The following TMPRSS4 variants were observed in gnomAD, a reference collection of about 807,000 sequenced individuals.
The protein encoded by TMPRSS4 is transmembrane protease serine 4.
In TMPRSS4, 45 loss-of-function variants were observed where a neutral mutation model predicts 56.4. The observed-to-expected ratio is 0.80, with a 90% CI of 0.63 to 1.02. The LOEUF (loss-of-function observed/expected upper bound fraction) is 1.02. Among genes scored for constraint, TMPRSS4 ranks in the 50% least tolerant of loss-of-function variants. The pLI, the probability that TMPRSS4 is intolerant of heterozygous loss-of-function variation, is 0.00. For missense variants in TMPRSS4, 546 were observed against 556.7 expected, an observed-to-expected ratio of 0.98 and a Z score of 0.19; for synonymous variants, 205 against 211.0, an observed-to-expected ratio of 0.97 and a Z score of 0.25.
intron 1 of TMPRSS4, among the ~76,000 whole-genome samples, 166 bp downstream of exon 1, chr11:118,077,471 T>C (rs1944747690): frequency 6.6e-6 from 1 of 152,182 alleles, no homozygotes; most frequent in African/African-American, 2.4e-5. Context: ...GGTACACGTC[T>C]CATACCCACC....
At chr11:118,094,988 AC>A (rs1946205966) in intron 2 of TMPRSS4, 133 bp downstream of exon 2, 1 of 909,938 alleles carries the variant, frequency 1.1e-6, no homozygotes, top group Non-Finnish European at 1.8e-6. Flanking sequence ...ACATCCAGTC[AC>A]CCGTCCATCC....
chr11:118,078,871 CA>C (rs1178196597), intron 1 of TMPRSS4, among the ~76,000 whole-genome samples: 2 of 152,192 alleles, frequency 1.3e-5, no homozygotes, highest in Non-Finnish European at 2.9e-5. Flanking sequence ...GCCCCACGCA[CA>C]TGCACCGGGT....
At chr11:118,082,448 C>A (rs746778728) in intron 1 of TMPRSS4, among the ~76,000 whole-genome samples, 1 of 152,026 alleles carries the variant, frequency 6.6e-6, no homozygotes, top group Non-Finnish European at 1.5e-5. Context: ...GTAATCCCAG[C>A]GACTCGGGAA....
chr11:118,116,810 T>C (rs556800876), intron 11 of TMPRSS4, among the ~76,000 whole-genome samples: 2 of 151,364 alleles, frequency 1.3e-5, no homozygotes, highest in Admixed American at 1.3e-4. Context: ...GCCTCTGGGT[T>C]CGAATGATTC....
At chr11:118,090,942 T>C (rs1945905572) in intron 1 of TMPRSS4, among the ~76,000 whole-genome samples, 1 of 152,092 alleles carries the variant, frequency 6.6e-6, no homozygotes, top group Non-Finnish European at 1.5e-5. Flanking sequence ...CTAGCACTAT[T>C]CCGGGTCCAT....
Position 118,077,300 on chromosome 11 carries a change from A to G in TMPRSS4, c.-3A>G, listed in dbSNP as rs142789925. ...GGGAGACCGGGAGGATCACAGAGCC[A>G]GCATGGTGAGTGTGGGGCCCTCTGC... On this transcript the variant is annotated 5_prime_UTR_variant, in exon 1 of 13. Coordinates refer to ENST00000437212, the MANE Select transcript of TMPRSS4 (RefSeq NM_019894.4). 7.5e-6 allele frequency: 12 copies of G among 1,602,306 alleles called. No individual in the cohort carries two copies. Among genetic ancestry groups the G allele is most frequent in the Non-Finnish European group, 1.0e-5 (12 of 1,174,542 alleles).
intron 2 of TMPRSS4, chr11:118,095,503 G>A (rs1184581165): frequency 6.6e-6 from 1 of 152,488 alleles, no homozygotes; most frequent in African/African-American, 2.4e-5. Context: ...AGTTAATAAT[G>A]ACCACAAATG....
intron 1 of TMPRSS4, chr11:118,088,194 A>G (rs1317876): frequency 0.48 from 73,084 of 152,170 alleles, 17,880 homozygotes; most frequent in East Asian, 0.76. Flanking sequence ...AACCCGGCCC[A>G]AAGGGCTAGA....
chr11:118,103,306 C>G, intron 4 of TMPRSS4, 53 bp downstream of exon 4: 1 of 1,586,950 alleles, frequency 6.3e-7, no homozygotes, highest in South Asian at 1.1e-5. Flanking sequence ...GAGGTCTGCT[C>G]AGGCCCCCAC....
At chr11:118,094,220 C>A (rs767336145) in intron 1 of TMPRSS4, among the ~76,000 whole-genome samples, 1 of 152,180 alleles carries the variant, frequency 6.6e-6, no homozygotes, top group African/African-American at 2.4e-5. Flanking sequence ...TTCAGCCAAA[C>A]CATTTTCCAA....
At chr11:118,097,023 A>AAGGAAAGAAAAG in intron 2 of TMPRSS4, among the ~76,000 whole-genome samples, 1 of 28,068 alleles carries the variant, frequency 3.6e-5, no homozygotes, top group African/African-American at 2.6e-4. Context: ...AAAGAAAGAA[A>AAGGAAAGAAAAG]GAAAGAAAGA....
At chr11:118,093,822 C>CG (rs1037401315) in intron 1 of TMPRSS4, among the ~76,000 whole-genome samples, 36 of 151,206 alleles carry the variant, frequency 2.4e-4, no homozygotes, top group Admixed American at 1.7e-3. Context: ...CTAACTGCCC[C>CG]CCCCAATGGT....
chr11:118,109,838 G>A (rs1482411005), intron 7 of TMPRSS4, among the ~76,000 whole-genome samples: 1 of 152,092 alleles, frequency 6.6e-6, no homozygotes, highest in Non-Finnish European at 1.5e-5. Flanking sequence ...CCCCTACCCC[G>A]GCCCCACAAT....
In TMPRSS4 at chr11:118,118,869, A is replaced by G. The variant is rs924246425; in HGVS notation, c.*956A>G. ...GAGAGCCCTCAGTGTGGCTTCTTACATTTAAAAAACAAAAAGGATCAGCTG... is the reference window on the plus strand; with the variant it reads ...GAGAGCCCTCAGTGTGGCTTCTTACGTTTAAAAAACAAAAAGGATCAGCTG... On this transcript the variant is annotated 3_prime_UTR_variant, in exon 13 of 13. Coordinates refer to ENST00000437212, the MANE Select transcript of TMPRSS4 (RefSeq NM_019894.4). 1.0e-6 allele frequency: 1 copy of G among 985,316 alleles called. No individual in the cohort carries two copies. The highest frequency in any genetic ancestry group is 1.2e-6 in the Non-Finnish European group (1 of 829,956). The allele number at this position is 985,316 out of a possible 1,614,324, so 61.0% of individuals were successfully genotyped here. A position where few individuals can be genotyped will look rare whatever the true frequency, so the allele number is the denominator to read the frequency against.
In TMPRSS4 at chr11:118,118,931, A is replaced by T. The variant is rs956763384; in HGVS notation, c.*1018A>T. On this transcript the variant is annotated 3_prime_UTR_variant, in exon 13 of 13. Coordinates refer to ENST00000437212, the MANE Select transcript of TMPRSS4 (RefSeq NM_019894.4). Reference sequence around the variant, plus strand: ...GCAGTCCCCAAGCTGAGTTGTGAGGATGTAAGCATGAATAAGTCCCTGCAC... The same window carrying T: ...GCAGTCCCCAAGCTGAGTTGTGAGGTTGTAAGCATGAATAAGTCCCTGCAC... 26 of 985,426 alleles carry T rather than the reference A, an allele frequency of 2.6e-5. No individual in the cohort carries two copies. The African/African-American group carries it at 4.5e-4, about 17-fold the overall frequency. 61.0% of individuals were successfully genotyped at this position (985,426 alleles called of 1,614,324 possible). A position where few individuals can be genotyped will look rare whatever the true frequency, so the allele number is the denominator to read the frequency against.
chr11:118,097,075 A>G (rs1946442787), intron 2 of TMPRSS4, among the ~76,000 whole-genome samples: 1 of 151,414 alleles, frequency 6.6e-6, no homozygotes, highest in African/African-American at 2.4e-5. Context: ...AGGAGGTAGT[A>G]GAAGGGACGT....
At chr11:118,112,194 G>A (rs1016359847) in intron 8 of TMPRSS4, among the ~76,000 whole-genome samples, 1 of 151,992 alleles carries the variant, frequency 6.6e-6, no homozygotes, top group Non-Finnish European at 1.5e-5. Context: ...CTTCCCACCT[G>A]CCTCAACTTC....
intron 1 of TMPRSS4, among the ~76,000 whole-genome samples, chr11:118,083,018 C>A (rs938157015): frequency 6.6e-6 from 1 of 152,128 alleles, no homozygotes; most frequent in Admixed American, 6.5e-5. Context: ...AAAGGACTGT[C>A]CCCCACCCCC....
In TMPRSS4 at chr11:118,114,612, T is replaced by G. The variant is rs190780971; in HGVS notation, c.911-217T>G. 1.3e-4 allele frequency among the ~76,000 whole-genome samples: 20 copies of G among 152,098 alleles called. No individual in the cohort carries two copies. In the East Asian group the frequency reaches 3.9e-3, roughly 29 times the overall value. On this transcript the variant is annotated intron_variant, in intron 9 of 12. Coordinates refer to ENST00000437212, the MANE Select transcript of TMPRSS4 (RefSeq NM_019894.4). ...AAAATATTGGCTTGGTGTCTGAGAGTCAGATAAAGGAAGTGGTTGGGGATA... is the reference window on the plus strand; with the variant it reads ...AAAATATTGGCTTGGTGTCTGAGAGGCAGATAAAGGAAGTGGTTGGGGATA...
Sources: allele counts gnomAD v4.1 joint callset (sites outside exome capture counted in the v4.1 genomes callset), GRCh38; gene constraint gnomAD v4.1.1; transcripts MANE v1.5; gene names NCBI Gene and HGNC (gene_info 2026-07-23, HGNC 2026-07-21).